EGFR: variants seen among roughly 807,000 people sequenced by gnomAD.
EGFR encodes epidermal growth factor receptor.
EGFR carries 58 observed loss-of-function variants against 143.0 expected under a neutral mutation model. The ratio of observed to expected loss-of-function variants is 0.41; its 90% CI spans 0.33 to 0.50. EGFR has a LOEUF of 0.50. EGFR is among the 20% of genes least tolerant of loss of function. The probability of loss-of-function intolerance (pLI) is 0.39; values close to 1 mark genes in which losing one functional copy is unlikely to be tolerated. For missense variants in EGFR, 1,307 were observed against 1,579.0 expected (o/e 0.83, Z 2.92); for synonymous variants, 613 against 594.4 (o/e 1.03, Z -0.45).
chr7:55,181,825 G>T (rs546534018), intron 20 of EGFR: 1 of 364,508 alleles, frequency 2.7e-6, no homozygotes, highest in East Asian at 6.5e-5. Context: ...CCCCATTCAG[G>T]ACTTGATAAC....
intron 1 of EGFR, among the ~76,000 whole-genome samples, chr7:55,050,648 A>C (rs1000309886): frequency 2.0e-5 from 3 of 152,124 alleles, no homozygotes; most frequent in East Asian, 1.9e-4. Context: ...GATAAAGGCC[A>C]GTCTCCCCTG....
At chr7:55,059,782 C>T (rs1789060169) in intron 1 of EGFR, among the ~76,000 whole-genome samples, 1 of 152,116 alleles carries the variant, frequency 6.6e-6, no homozygotes, top group African/African-American at 2.4e-5. Flanking sequence ...TAAATACTTG[C>T]ATGAATGCAG....
intron 1 of EGFR, among the ~76,000 whole-genome samples, chr7:55,091,427 C>G (rs1436628873): frequency 6.6e-6 from 1 of 152,086 alleles, no homozygotes; most frequent in African/African-American, 2.4e-5. Flanking sequence ...GAATGAGAGG[C>G]GAAGCCATAG....
intron 11 of EGFR, among the ~76,000 whole-genome samples, chr7:55,159,872 TATA>T (rs1192236869): frequency 1.3e-5 from 2 of 152,076 alleles, no homozygotes. Flanking sequence ...ATGGAGAAAA[TATA>T]ATGACATTAA....
chr7:55,056,481 C>A (rs888240616), intron 1 of EGFR, among the ~76,000 whole-genome samples: 2 of 152,172 alleles, frequency 1.3e-5, no homozygotes, highest in African/African-American at 4.8e-5. Flanking sequence ...TACTCATTTG[C>A]CAACTGCGGT....
chr7:55,121,992 C>A (rs1793236563), intron 1 of EGFR, among the ~76,000 whole-genome samples: 1 of 152,196 alleles, frequency 6.6e-6, no homozygotes, highest in Non-Finnish European at 1.5e-5. Context: ...TGATTCTTCA[C>A]TATCCAAAAA....
intron 1 of EGFR, among the ~76,000 whole-genome samples, chr7:55,084,204 A>G (rs1244971760): frequency 1.3e-5 from 2 of 152,134 alleles, no homozygotes; most frequent in Admixed American, 1.3e-4. Flanking sequence ...GTTCTCAGGG[A>G]CTCACAAAGT....
rs548472053 is a variant in EGFR, at chr7:55,192,900, T to G, written c.2701+59T>G. On this transcript the variant is annotated intron_variant, in intron 22 of 27. Transcript: ENST00000275493. ...CTGAGGCCAAGCTGGCTTTTATTGT[T>G]AGTTAATTTACATTATATCCTCTGA... is the stretch of plus-strand genomic sequence containing the variant. The G allele has an allele frequency of 2.8e-6, 4 of 1,436,880 alleles. No individual in the cohort carries two copies. In the Admixed American group the frequency reaches 6.7e-5, roughly 24 times the overall value. 89.0% of individuals were successfully genotyped at this position (1,436,880 alleles called of 1,614,324 possible).
chr7:55,135,053 T>C (rs1457905462), intron 1 of EGFR, among the ~76,000 whole-genome samples: 1 of 152,194 alleles, frequency 6.6e-6, no homozygotes, highest in Non-Finnish European at 1.5e-5. Context: ...CCACAGTCCC[T>C]TGTGAACTGG....
Position 55,209,395 on chromosome 7 carries a change from G to A in EGFR, c.*3778G>A, listed in dbSNP as rs1180436906. On this transcript the variant is annotated 3_prime_UTR_variant, in exon 28 of 28. Coordinates refer to ENST00000275493, the MANE Select transcript of EGFR (RefSeq NM_005228.5). ...TCAATTCATCCTCACCAGCAGTTCA[G>A]CTGGAAAGGGGCAAATACCCCCACC... 3 of 152,172 alleles carry A rather than the reference G, an allele frequency of 2.0e-5. No individual in the cohort carries two copies. Among genetic ancestry groups the A allele is most frequent in the African/African-American group, 7.2e-5 (3 of 41,446 alleles). 9.4% of individuals were successfully genotyped at this position (152,172 alleles called of 1,614,324 possible). A position where few individuals can be genotyped will look rare whatever the true frequency, so the allele number is the denominator to read the frequency against.
At chr7:55,120,547 G>A (rs956325370) in intron 1 of EGFR, among the ~76,000 whole-genome samples, 1 of 152,198 alleles carries the variant, frequency 6.6e-6, no homozygotes, top group Non-Finnish European at 1.5e-5. Flanking sequence ...CAGCCAATGG[G>A]TGGTGGTGGG....
rs780709682 is a variant in EGFR at position 55,160,373 on chromosome 7, G to T, written c.1498+35G>T. 4 of 1,594,858 alleles carry T rather than the reference G, an allele frequency of 2.5e-6. No homozygotes were observed. In the African/African-American group the frequency reaches 5.4e-5, roughly 21 times the overall value. On this transcript the variant is annotated intron_variant, in intron 12 of 27. Transcript: ENST00000275493. ...CGCTTTCTGTTTAGTTTATGGAGTT[G>T]GTTCTAATGGGTCCTTTATTTGTAT... is the stretch of plus-strand genomic sequence containing the variant.
intron 22 of EGFR, among the ~76,000 whole-genome samples, chr7:55,198,179 C>A (rs1261842033): frequency 1.3e-5 from 2 of 152,078 alleles, no homozygotes; most frequent in Admixed American, 1.3e-4. Context: ...AATTTTGGAG[C>A]TCATTATTGG....
chr7:55,056,509 T>C (rs76936275), intron 1 of EGFR, among the ~76,000 whole-genome samples: 2,300 of 152,350 alleles, frequency 0.015, 62 homozygotes, highest in African/African-American at 0.052. Flanking sequence ...TCACATATTG[T>C]TAGAATTCTG....
At chr7:55,061,395 C>T (rs748805842) in intron 1 of EGFR, among the ~76,000 whole-genome samples, 3 of 152,078 alleles carry the variant, frequency 2.0e-5, no homozygotes, top group Non-Finnish European at 2.9e-5. Context: ...ATACATAATC[C>T]CAGTTTGTGT....
At chr7:55,050,641 A>G (rs1308493137) in intron 1 of EGFR, among the ~76,000 whole-genome samples, 1 of 152,082 alleles carries the variant, frequency 6.6e-6, no homozygotes, top group Non-Finnish European at 1.5e-5. Flanking sequence ...GCAGTGGGAT[A>G]AAGGCCAGTC....
At chr7:55,029,163 CA>C (rs1024959315) in intron 1 of EGFR, among the ~76,000 whole-genome samples, 6 of 150,132 alleles carry the variant, frequency 4.0e-5, no homozygotes, top group Admixed American at 6.6e-5. Context: ...AGTCAAAAAA[CA>C]AAAAAAAAGT....
chr7:55,153,700 C>T (rs1026639337), intron 6 of EGFR, among the ~76,000 whole-genome samples: 1 of 152,174 alleles, frequency 6.6e-6, no homozygotes, highest in African/African-American at 2.4e-5. Flanking sequence ...AACATAATTT[C>T]ATTCCATAGT....
At chr7:55,067,552 T>C (rs1405317378) in intron 1 of EGFR, among the ~76,000 whole-genome samples, 1 of 151,560 alleles carries the variant, frequency 6.6e-6, no homozygotes, top group Non-Finnish European at 1.5e-5. Flanking sequence ...TAAGATTTAC[T>C]ACTGTAACCA....
Sources: gnomAD v4.1 joint callset for allele counts (sites outside exome capture counted in the v4.1 genomes callset) on GRCh38, gnomAD v4.1.1 for gene constraint, MANE v1.5 for transcripts, NCBI Gene and HGNC (gene_info 2026-07-23, HGNC 2026-07-21) for gene names.